Variants in VPS13B observed in about 807,000 individuals in gnomAD.
The protein encoded by VPS13B is vacuolar protein sorting 13 homolog B, also known as intermembrane lipid transfer protein VPS13B.
A neutral mutation model predicts 426.4 loss-of-function variants in VPS13B; 285 were observed. The ratio of observed to expected loss-of-function variants is 0.67; its 90% CI spans 0.61 to 0.74. The LOEUF (loss-of-function observed/expected upper bound fraction) is 0.74, where lower values mean the gene tolerates loss of function less well. VPS13B is among the 30% of genes least tolerant of loss of function. The probability of loss-of-function intolerance (pLI) is 0.00; values close to 1 mark genes in which losing one functional copy is unlikely to be tolerated. For missense variants in VPS13B, 4,537 were observed against 4,782.6 expected (o/e 0.95, Z 1.51); for synonymous variants, 1,676 against 1,676.4 (o/e 1.00, Z 0.01).
At chr8:99,254,294 T>C (rs1424511764) in intron 17 of VPS13B, among the ~76,000 whole-genome samples, 1 of 152,178 alleles carries the variant, frequency 6.6e-6, no homozygotes, top group Non-Finnish European at 1.5e-5. Flanking sequence ...CCTTCATTCC[T>C]GAAGTATATT....
intron 34 of VPS13B, among the ~76,000 whole-genome samples, chr8:99,648,597 T>C (rs1829686850): frequency 6.6e-6 from 1 of 152,202 alleles, no homozygotes; most frequent in African/African-American, 2.4e-5. Flanking sequence ...TCACACTCTA[T>C]TTAGAGGTAA....
At chr8:99,282,204 T>G (rs995245994) in intron 19 of VPS13B, among the ~76,000 whole-genome samples, 5 of 152,138 alleles carry the variant, frequency 3.3e-5, no homozygotes, top group Non-Finnish European at 7.4e-5. Context: ...CCCCACCAAT[T>G]AAATATCCTA....
intron 28 of VPS13B, chr8:99,507,628 G>A: frequency 1.6e-6 from 2 of 1,255,510 alleles, no homozygotes; most frequent in Non-Finnish European, 2.3e-6. Context: ...GATGGTCCAG[G>A]CAGAGGCCAT....
intron 8 of VPS13B, among the ~76,000 whole-genome samples, chr8:99,127,482 A>G (rs533892162): frequency 6.6e-6 from 1 of 152,204 alleles, no homozygotes; most frequent in African/African-American, 2.4e-5. Context: ...AACATTATCT[A>G]CTAATTTGCT....
At chr8:99,032,388 T>C (rs1292923764) in intron 2 of VPS13B, among the ~76,000 whole-genome samples, 6 of 152,160 alleles carry the variant, frequency 3.9e-5, no homozygotes. Context: ...ATCATTTTGC[T>C]ATTATTTTCT....
At chr8:99,162,711 G>C (rs563808330) in intron 15 of VPS13B, among the ~76,000 whole-genome samples, 1 of 152,276 alleles carries the variant, frequency 6.6e-6, no homozygotes, top group East Asian at 1.9e-4. Flanking sequence ...AGATCTTCGC[G>C]GTGAGTGTTA....
chr8:99,616,824 T>A (rs1027517322), intron 33 of VPS13B, among the ~76,000 whole-genome samples: 2 of 152,236 alleles, frequency 1.3e-5, no homozygotes, highest in African/African-American at 4.8e-5. Flanking sequence ...GATATAAATC[T>A]GTCTCTAGAC....
intron 3 of VPS13B, among the ~76,000 whole-genome samples, chr8:99,078,275 C>A (rs565445735): frequency 1.4e-5 from 2 of 140,452 alleles, no homozygotes; most frequent in Non-Finnish European, 3.1e-5. Flanking sequence ...TCTAGTGTAC[C>A]GTTCACTTCT....
At chr8:99,068,677 G>T (rs1381475017) in intron 3 of VPS13B, among the ~76,000 whole-genome samples, 1 of 152,184 alleles carries the variant, frequency 6.6e-6, no homozygotes, top group African/African-American at 2.4e-5. Context: ...GGCAGAAGGC[G>T]AAGGGAAAGC....
intron 5 of VPS13B, among the ~76,000 whole-genome samples, chr8:99,103,662 G>A (rs1215837540): frequency 6.6e-6 from 1 of 151,910 alleles, no homozygotes; most frequent in African/African-American, 2.4e-5. Context: ...ACCATGCCCG[G>A]CTAATTTTTT....
At chr8:99,341,989 A>G (rs773895870) in intron 19 of VPS13B, among the ~76,000 whole-genome samples, 4 of 152,188 alleles carry the variant, frequency 2.6e-5, no homozygotes, top group Admixed American at 1.3e-4. Flanking sequence ...CTTAATTGCT[A>G]TGTAGTAATT....
At chr8:99,160,277 G>A (rs1811575540) in intron 15 of VPS13B, among the ~76,000 whole-genome samples, 1 of 152,130 alleles carries the variant, frequency 6.6e-6, no homozygotes, top group Non-Finnish European at 1.5e-5. Flanking sequence ...AGCTAAGCAA[G>A]CAGAGATGTA....
intron 14 of VPS13B, among the ~76,000 whole-genome samples, chr8:99,155,308 GTGTAATAT>G (rs1811299792): frequency 6.6e-6 from 1 of 152,124 alleles, no homozygotes; most frequent in African/African-American, 2.4e-5. Flanking sequence ...ATTCTCACAG[GTGTAATAT>G]TGAGTAAAAA....
At chr8:99,401,336 G>A (rs993868286) in intron 21 of VPS13B, among the ~76,000 whole-genome samples, 1 of 152,078 alleles carries the variant, frequency 6.6e-6, no homozygotes, top group Non-Finnish European at 1.5e-5. Flanking sequence ...TTTAAAGTGT[G>A]TATACAGGTT....
At chr8:99,228,521 A>AAT (rs1816142175) in intron 17 of VPS13B, among the ~76,000 whole-genome samples, 1 of 152,230 alleles carries the variant, frequency 6.6e-6, no homozygotes, top group Non-Finnish European at 1.5e-5. Flanking sequence ...TCACTAAGAA[A>AAT]AATACAGTTA....
In VPS13B at chr8:99,147,978, G is replaced by T; in HGVS notation, c.1981G>T (p.Asp661Tyr). 1 of 1,613,196 alleles carries T rather than the reference G, an allele frequency of 6.2e-7. No homozygotes were observed. The highest frequency in any genetic ancestry group is 1.3e-5 in the African/African-American group (1 of 74,850). Residue 661 changes from aspartate (D) to tyrosine (Y), a missense_variant, in exon 14 of 62, where the codon GAC becomes TAC. By Grantham distance (160) the Asp-to-Tyr change is radical (BLOSUM62 -3). Coordinates refer to ENST00000357162, the MANE Select transcript of VPS13B (RefSeq NM_152564.5). ...TISMAEFNLL[D>Y]HLLPVIMGEK... ...TTCCATGGCTGAATTCAACTTGCTG[G>T]ACCATTTACTACCTGTCATTATGGG...
intron 3 of VPS13B, among the ~76,000 whole-genome samples, chr8:99,056,252 GT>G (rs1473928629): frequency 1.3e-5 from 2 of 151,882 alleles, no homozygotes; most frequent in African/African-American, 4.8e-5. Context: ...GTAGACATGG[GT>G]TTTCATCATG....
intron 17 of VPS13B, among the ~76,000 whole-genome samples, chr8:99,236,013 G>A (rs1362018929): frequency 6.6e-6 from 1 of 152,196 alleles, no homozygotes; most frequent in Non-Finnish European, 1.5e-5. Context: ...AATATAGGAT[G>A]CATTTTAACA....
At chr8:99,141,104 G>C (rs1810395834) in intron 12 of VPS13B, among the ~76,000 whole-genome samples, 1 of 152,154 alleles carries the variant, frequency 6.6e-6, no homozygotes, top group Non-Finnish European at 1.5e-5. Flanking sequence ...AAACAATTAA[G>C]TTATTGAATT....
Sources: allele counts gnomAD v4.1 joint callset (sites outside exome capture counted in the v4.1 genomes callset), GRCh38; gene constraint gnomAD v4.1.1; transcripts MANE v1.5; gene names NCBI Gene and HGNC (gene_info 2026-07-23, HGNC 2026-07-21).